Variants in RNF130 observed in about 807,000 individuals in gnomAD.
RNF130 encodes E3 ubiquitin-protein ligase RNF130.
A neutral mutation model predicts 44.6 loss-of-function variants in RNF130; 21 were observed. The observed-to-expected ratio is 0.47, with a 90% CI of 0.33 to 0.68. The LOEUF is 0.68. RNF130 is among the 30% of genes least tolerant of loss of function. The pLI, the probability that RNF130 is intolerant of heterozygous loss-of-function variation, is 0.02. For missense variants in RNF130, 479 were observed against 560.6 expected, an observed-to-expected ratio of 0.85 and a Z score of 1.47; for synonymous variants, 214 against 210.4, an observed-to-expected ratio of 1.02 and a Z score of -0.15.
intron 7 of RNF130, among the ~76,000 whole-genome samples, chr5:179,941,043 T>G (rs1472424210): frequency 6.6e-6 from 1 of 152,192 alleles, no homozygotes; most frequent in Non-Finnish European, 1.5e-5. Context: ...TTCCTTTTGA[T>G]TTTGTTATTT....
At position 180,066,016 on chromosome 5, in the gene RNF130, G is replaced by A. The variant is rs996516963; in HGVS notation, c.247+5440C>T. Among the ~76,000 whole-genome samples, 3 of 152,146 alleles carry A rather than the reference G, an allele frequency of 2.0e-5. 1 individual carries two copies. Among genetic ancestry groups the A allele is most frequent in the Admixed American group, 2.0e-4 (3 of 15,280 alleles). Reference sequence around the variant, plus strand: ...GGTAATATCACAAACATTAAACAGTGTCATCCTAATAATGTTTAATGTTTT... The same window carrying A: ...GGTAATATCACAAACATTAAACAGTATCATCCTAATAATGTTTAATGTTTT... On this transcript the variant is annotated intron_variant, in intron 1 of 8. Transcript: ENST00000521389.
At position 179,977,349 on chromosome 5, in the gene RNF130, T is replaced by C. The variant is rs899456105; in HGVS notation, c.848+854A>G. The stretch of plus-strand genomic sequence containing the variant: ...TTGTTGTACCCAGAGCCAGGTGAGC[T>C]CGATGGAAGTCTCACTGAAGGGCTT... On this transcript the variant is annotated intron_variant, in intron 5 of 8. Coordinates refer to ENST00000521389, the MANE Select transcript of RNF130 (RefSeq NM_018434.6). The surrounding 1 kb of genome is among the most constrained non-coding windows in gnomAD (Gnocchi z 4.1). 1.3e-5 allele frequency: 2 copies of C among 152,176 alleles called. No individual in the cohort carries two copies. The highest frequency in any genetic ancestry group is 1.3e-4 in the Admixed American group (2 of 15,276). The allele number at this position is 152,176 out of a possible 1,614,324, so 9.4% of individuals were successfully genotyped here.
At chr5:179,932,646 T>C (rs1489384159) in intron 7 of RNF130, among the ~76,000 whole-genome samples, 1 of 150,932 alleles carries the variant, frequency 6.6e-6, no homozygotes, top group African/African-American at 2.4e-5. Flanking sequence ...AAGACCAGCC[T>C]GGCCAACATG....
At chr5:180,057,720 C>T (rs1764867055) in intron 1 of RNF130, among the ~76,000 whole-genome samples, 1 of 152,226 alleles carries the variant, frequency 6.6e-6, no homozygotes, top group African/African-American at 2.4e-5. Context: ...ATGTACCTCT[C>T]CATCCGGCTC....
In RNF130 at chr5:179,966,816, A is replaced by G. The variant is rs761980001; in HGVS notation, c.1140T>C (p.Ile380=). 3.7e-6 allele frequency: 6 copies of G among 1,613,414 alleles called. No individual in the cohort carries two copies. In the African/African-American group the frequency reaches 8.0e-5, roughly 22 times the overall value. The change falls in exon 7 of 9, where the codon ATT becomes ATC. Residue 380 remains isoleucine, a synonymous_variant. Coordinates refer to ENST00000521389, the MANE Select transcript of RNF130 (RefSeq NM_018434.6). The part of the protein sequence containing the change: ...ELTPRTGEIN[I]AVTKEWFIIA... ...GAGGCCCCCACTTACTTGTTACTGC[A>G]ATGTTGATTTCTCCTGTTCTCGGAG...
downstream of RNF130, among the ~76,000 whole-genome samples, chr5:179,954,442 C>CACAT (rs981069274): frequency 1.3e-5 from 2 of 152,160 alleles, no homozygotes; most frequent in African/African-American, 4.8e-5. Context: ...GAACCGTGAA[C>CACAT]ACATGCTAAG....
downstream of RNF130, among the ~76,000 whole-genome samples, chr5:179,954,839 T>A (rs931380947): frequency 6.6e-6 from 1 of 152,250 alleles, no homozygotes; most frequent in African/African-American, 2.4e-5. Context: ...AGATTAAGAA[T>A]TCACTGCTGC....
At chr5:179,922,525 C>T (rs1242769089) in intron 7 of RNF130, among the ~76,000 whole-genome samples, 1 of 151,112 alleles carries the variant, frequency 6.6e-6, no homozygotes, top group African/African-American at 2.4e-5. Context: ...GTTGGCCAGG[C>T]TGGTCTCGAA....
rs565162460 is a variant in RNF130, at chr5:180,063,781, A to C, written c.247+7675T>G. On this transcript the variant is annotated intron_variant, in intron 1 of 8. Transcript: ENST00000521389. ...AACACTCAGCTGTTGAGCTGTAGGAAGCATGAGAAAGACCAACGGTACATG... is the reference window on the plus strand; with the variant it reads ...AACACTCAGCTGTTGAGCTGTAGGACGCATGAGAAAGACCAACGGTACATG... Among the ~76,000 whole-genome samples, 19 of 152,366 alleles carry C rather than the reference A, an allele frequency of 1.2e-4. No homozygotes were observed. In the South Asian group the frequency reaches 3.7e-3, roughly 30 times the overall value.
intron 1 of RNF130, among the ~76,000 whole-genome samples, chr5:180,061,361 C>A (rs145382037): frequency 1.4e-3 from 213 of 152,300 alleles, no homozygotes; most frequent in African/African-American, 5.0e-3. Context: ...GCAAAGCTAA[C>A]CCTGCATGCC....
intron 1 of RNF130, among the ~76,000 whole-genome samples, chr5:180,055,269 AAAAAAAAAAAAC>A (rs1392943467): frequency 0.063 from 1,281 of 20,258 alleles, 123 homozygotes; most frequent in African/African-American, 0.11. Context: ...AAAAAAAAAA[AAAAAAAAAAAAC>A]AAAAAAAAAC....
At chr5:179,924,220 G>GCCCA (rs1020203001) in intron 7 of RNF130, among the ~76,000 whole-genome samples, 6 of 152,070 alleles carry the variant, frequency 3.9e-5, no homozygotes, top group Admixed American at 1.3e-4. Flanking sequence ...TTACTGCTGG[G>GCCCA]CGTGGTGGCT....
At chr5:179,990,694 C>T (rs867259312) in intron 3 of RNF130, among the ~76,000 whole-genome samples, 9 of 152,348 alleles carry the variant, frequency 5.9e-5, no homozygotes, top group Non-Finnish European at 7.3e-5. Flanking sequence ...TTCCCAGACA[C>T]TGGCGTTACC....
At chr5:179,953,548 G>A (rs751642230), downstream of RNF130, among the ~76,000 whole-genome samples, 1 of 152,076 alleles carries the variant, frequency 6.6e-6, no homozygotes, top group Non-Finnish European at 1.5e-5. Context: ...TTAAACAAAT[G>A]GCACTGGGAA....
In RNF130 at chr5:179,968,534, C is replaced by T. The variant is rs184018777; in HGVS notation, c.946-1524G>A. On this transcript the variant is annotated intron_variant, in intron 6 of 8. Coordinates refer to ENST00000521389, the MANE Select transcript of RNF130 (RefSeq NM_018434.6). ...CACAAAAATTAGCCAGGTGTGGTGG[C>T]AGGTGCCTGTAATCCCAGCTACAAG... is the stretch of plus-strand genomic sequence containing the variant. Among the ~76,000 whole-genome samples the T allele has an allele frequency of 9.7e-3, 1,468 of 151,914 alleles. 27 individuals carry two copies. The highest frequency in any genetic ancestry group is 0.032 in the African/African-American group (1,332 of 41,446).
intron 1 of RNF130, among the ~76,000 whole-genome samples, chr5:180,050,900 C>A (rs1327424110): frequency 6.6e-6 from 1 of 152,118 alleles, no homozygotes; most frequent in African/African-American, 2.4e-5. Context: ...ACTTCCTGGG[C>A]TCAAGTAATC....
chr5:179,969,649 C>T, intron 6 of RNF130, among the ~76,000 whole-genome samples: 1 of 151,908 alleles, frequency 6.6e-6, no homozygotes, highest in South Asian at 2.1e-4. Context: ...AGGAGGATCA[C>T]TTGAGGCCAG....
chr5:180,015,507 AGGAGTAGGAAAG>A, intron 2 of RNF130: 1 of 247,866 alleles, frequency 4.0e-6, no homozygotes, highest in Non-Finnish European at 9.1e-6. Flanking sequence ...GAGTAGGGAA[AGGAGTAGGAAAG>A]GAGTAGGGAA....
intron 3 of RNF130, among the ~76,000 whole-genome samples, chr5:180,006,122 T>C (rs767450548): frequency 1.8e-4 from 27 of 152,184 alleles, no homozygotes; most frequent in Non-Finnish European, 1.8e-4. Flanking sequence ...AGCTCAAACA[T>C]CTATTTCCCC....
Sources: allele counts gnomAD v4.1 joint callset (sites outside exome capture counted in the v4.1 genomes callset), GRCh38; gene constraint gnomAD v4.1.1; non-coding constraint Gnocchi (gnomAD v3.1); transcripts MANE v1.5; gene names NCBI Gene and HGNC (gene_info 2026-07-23, HGNC 2026-07-21).